The following ROPN1B variants were observed in gnomAD, a reference collection of about 807,000 sequenced individuals.
The protein encoded by ROPN1B is rhophilin associated tail protein 1B, also known as ropporin-1B.
In ROPN1B, 13 loss-of-function variants were observed where a neutral mutation model predicts 23.7. The ratio of observed to expected loss-of-function variants is 0.55; its 90% CI spans 0.36 to 0.87. The LOEUF is 0.87. Among genes scored for constraint, ROPN1B ranks in the 40% least tolerant of loss-of-function variants. The pLI is 0.01. For missense variants in ROPN1B, 183 were observed against 249.2 expected (o/e 0.73, Z 1.79); for synonymous variants, 67 against 100.4 (o/e 0.67, Z 1.99).
intron 5 of ROPN1B, among the ~76,000 whole-genome samples, chr3:125,981,405 A>G (rs1175392893): frequency 6.6e-6 from 1 of 152,202 alleles, no homozygotes; most frequent in East Asian, 1.9e-4. Flanking sequence ...ACCCTAAGTC[A>G]CCACTCAGGA....
chr3:125,974,295 A>G (rs143473868), intron 3 of ROPN1B, among the ~76,000 whole-genome samples: 1 of 151,396 alleles, frequency 6.6e-6, no homozygotes. Context: ...CTGTGTGCAG[A>G]GATTTCTCAA....
Position 125,976,191 on chromosome 3 carries a change from G to A in ROPN1B, c.234+511G>A, listed in dbSNP as rs4300968. Among the ~76,000 whole-genome samples the A allele has an allele frequency of 8.4e-3, 1,274 of 152,276 alleles. 18 individuals carry two copies. Among genetic ancestry groups the A allele is most frequent in the African/African-American group, 0.03 (1,231 of 41,560 alleles). On this transcript the variant is annotated intron_variant, in intron 4 of 6. Transcript: ENST00000514116. ...CCGGCTTGAGAAAGTTTGTGGTTTG[G>A]CCAATTCCCAGGAAATATGGTTGAG...
intron 3 of ROPN1B, chr3:125,973,656 T>G (rs1043406864): frequency 4.6e-5 from 7 of 153,638 alleles, no homozygotes; most frequent in African/African-American, 1.7e-4. Context: ...TCTCGTATTG[T>G]ATCACGTGCT....
chr3:125,973,412 A>G (rs373915184), intron 3 of ROPN1B: 28 of 189,780 alleles, frequency 1.5e-4, no homozygotes, highest in African/African-American at 6.7e-4. Flanking sequence ...GCCTAGTAAT[A>G]AGCCCTGTTT....
At chr3:125,970,665 T>A (rs1282109737) in intron 1 of ROPN1B, among the ~76,000 whole-genome samples, 1 of 152,208 alleles carries the variant, frequency 6.6e-6, no homozygotes, top group Non-Finnish European at 1.5e-5. Flanking sequence ...AAAATCCTTT[T>A]TTCCTCTGTA....
Position 125,975,548 on chromosome 3 carries a change from C to T in ROPN1B, c.117-15C>T, listed in dbSNP as rs762538383. 1 of 1,603,768 alleles carries T rather than the reference C, an allele frequency of 6.2e-7. No individual in the cohort carries two copies. Among genetic ancestry groups the T allele is most frequent in the Non-Finnish European group, 8.5e-7 (1 of 1,174,382 alleles). ...TGTATAGGATCCTCCTACTCTCTGA[C>T]TTTTTTTCTTGTAGTTATTTTGAGG... On this transcript the variant is annotated splice_polypyrimidine_tract_variant and intron_variant, in intron 3 of 6. Coordinates refer to ENST00000514116, the MANE Select transcript of ROPN1B (RefSeq NM_001308313.2).
Position 125,972,146 on chromosome 3 carries a change from A to G in ROPN1B, c.92A>G (p.Gln31Arg), listed in dbSNP as rs767698838. The G allele has an allele frequency of 1.4e-5, 23 of 1,614,112 alleles. No homozygotes were observed. The Admixed American group carries it at 3.3e-4, about 23-fold the overall frequency. Residue 31 changes from glutamine to arginine, a missense_variant, in exon 3 of 7, where the codon CAG (glutamine) becomes CGG (arginine). Physicochemically the swap from Gln to Arg is conservative, Grantham distance 43. Transcript: ENST00000514116. ...AAAGCCGCCATTCGGGCGCAGCCGC[A>G]GGACCTCATCCAGTGGGGGGCCGAG... ...FAKAAIRAQPQDLIQWGADYF... is the reference protein window; with the variant it reads ...FAKAAIRAQPRDLIQWGADYF...
chr3:125,972,222 G>A, intron 3 of ROPN1B, 52 bp downstream of exon 3: 1 of 1,593,076 alleles, frequency 6.3e-7, no homozygotes, highest in South Asian at 1.1e-5. Flanking sequence ...GGGGAGAGAG[G>A]GTCCTGTAAA....
intron 5 of ROPN1B, among the ~76,000 whole-genome samples, chr3:125,980,823 A>G (rs561623946): frequency 1.4e-4 from 21 of 152,184 alleles, no homozygotes; most frequent in Non-Finnish European, 2.2e-4. Context: ...TGTGCTTGCA[A>G]ATCTACCCCA....
At position 125,976,934 on chromosome 3, in the gene ROPN1B, G is replaced by C; in HGVS notation, c.235-70G>C. 2.2e-5 allele frequency: 15 copies of C among 689,108 alleles called. No homozygotes were observed. In the South Asian group the frequency reaches 2.4e-4, roughly 11 times the overall value. The allele number at this position is 689,108 out of a possible 1,614,324, so 42.7% of individuals were successfully genotyped here. ...GAGATGTGGACCTGGCCTGGGGACA[G>C]GGTGTTTCTCAGGGCCTTGTCTCAA... On this transcript the variant is annotated intron_variant, in intron 4 of 6. Transcript: ENST00000514116.
In ROPN1B at chr3:125,972,212, G is replaced by A. The variant is rs776563955; in HGVS notation, c.116+42G>A. 9 of 1,600,594 alleles carry A rather than the reference G, an allele frequency of 5.6e-6. No individual in the cohort carries two copies. In the South Asian group the frequency reaches 7.7e-5, roughly 14 times the overall value. ...CGCCTTCATCTCTTGGAGGACGGGC[G>A]GGGAGAGAGGGTCCTGTAAAACCGC... is the stretch of plus-strand genomic sequence containing the variant. On this transcript the variant is annotated intron_variant, in intron 3 of 6. Transcript: ENST00000514116.
chr3:125,976,144 T>G (rs1365139500), intron 4 of ROPN1B, among the ~76,000 whole-genome samples: 2 of 152,098 alleles, frequency 1.3e-5, no homozygotes, highest in African/African-American at 2.4e-5. Flanking sequence ...AGCTGCCTGG[T>G]GAATGAATGC....
At chr3:125,972,372 C>T in intron 3 of ROPN1B, 1 of 607,442 alleles carries the variant, frequency 1.6e-6, no homozygotes, top group East Asian at 2.8e-5. Context: ...GATGCCTCCC[C>T]TAAGCGAGCC....
At chr3:125,969,795 AG>A (rs1488462724) in intron 1 of ROPN1B, among the ~76,000 whole-genome samples, 54 of 152,392 alleles carry the variant, frequency 3.5e-4, no homozygotes, top group African/African-American at 1.2e-3. Flanking sequence ...AGCACTTCAT[AG>A]ACTCCTATCA....
At chr3:125,970,773 A>AT (rs893633784) in intron 1 of ROPN1B, among the ~76,000 whole-genome samples, 3 of 152,252 alleles carry the variant, frequency 2.0e-5, no homozygotes, top group Admixed American at 6.5e-5. Context: ...ATAAAAGAAC[A>AT]TAAATAAAGT....
At chr3:125,971,633 AAG>A (rs1210929283) in intron 2 of ROPN1B, among the ~76,000 whole-genome samples, 1 of 152,240 alleles carries the variant, frequency 6.6e-6, no homozygotes, top group Non-Finnish European at 1.5e-5. Context: ...CCTAGCTAAT[AAG>A]AGCTGGATGA....
chr3:125,975,745 C>T lies in ROPN1B; in HGVS notation c.234+65C>T, dbSNP rs191306979. ...AGTGTTGAGGCTGGGTGGGTACAGA[C>T]GAAAGCCCTCTGTTCTCCTGCCAGT... On this transcript the variant is annotated intron_variant, in intron 4 of 6. Transcript: ENST00000514116. 48 of 1,448,490 alleles carry T rather than the reference C, an allele frequency of 3.3e-5. 1 individual carries two copies. Among genetic ancestry groups the T allele is most frequent in the South Asian group, 3.0e-4 (21 of 70,626 alleles). The allele number at this position is 1,448,490 out of a possible 1,614,324, so 89.7% of individuals were successfully genotyped here.
chr3:125,978,014 T>C (rs529507413), intron 5 of ROPN1B: 15 of 152,374 alleles, frequency 9.8e-5, no homozygotes, highest in African/African-American at 3.6e-4. Flanking sequence ...GAATGCATAT[T>C]TGACACGTTT....
In ROPN1B at chr3:125,972,034, T is replaced by C; in HGVS notation, c.-12-9T>C. The C allele has an allele frequency of 6.2e-7, 1 of 1,611,690 alleles. No homozygotes were observed. Among genetic ancestry groups the C allele is most frequent in the Middle Eastern group, 1.7e-4 (1 of 6,000 alleles). On this transcript the variant is annotated splice_polypyrimidine_tract_variant and intron_variant, in intron 2 of 6. Transcript: ENST00000514116. ...TTTTCATCTTATGTATTTTTTCTCC[T>C]GAGAATAGGTCAACCAATCAATGGC... is the stretch of plus-strand genomic sequence containing the variant.
Sources: allele counts gnomAD v4.1 joint callset (sites outside exome capture counted in the v4.1 genomes callset), GRCh38; gene constraint gnomAD v4.1.1; transcripts MANE v1.5; gene names NCBI Gene and HGNC (gene_info 2026-07-23, HGNC 2026-07-21).